Variants in NTNG2 observed in about 807,000 individuals in gnomAD.
NTNG2 encodes netrin G2, also known as netrin-G2.
A neutral mutation model predicts 47.6 loss-of-function variants in NTNG2; 15 were observed. That is an observed-to-expected ratio of 0.32 (90% CI 0.21 to 0.49). The LOEUF is 0.49. NTNG2 is among the 20% of genes least tolerant of loss of function. The pLI is 0.99. For missense variants in NTNG2, 578 were observed against 764.6 expected (o/e 0.76, Z 2.88); for synonymous variants, 307 against 324.6 (o/e 0.95, Z 0.58).
In NTNG2 at chr9:132,241,919, C is replaced by T. The variant is rs1163865048; in HGVS notation, c.1401C>T (p.Gly467=). The T allele has an allele frequency of 1.3e-6, 2 of 1,576,106 alleles. No homozygotes were observed. Among genetic ancestry groups the T allele is most frequent in the Non-Finnish European group, 1.7e-6 (2 of 1,167,990 alleles). ...DDDQLLCQNG[G]TCLQNQRCAC... ...ACCAGCTGCTGTGCCAGAACGGAGGCACCTGCCTGCAGAACCAGCGCTGCG... is the reference window on the plus strand; with the variant it reads ...ACCAGCTGCTGTGCCAGAACGGAGGTACCTGCCTGCAGAACCAGCGCTGCG... The change falls in exon 8 of 8, where the codon GGC becomes GGT. Residue 467 remains glycine, a synonymous_variant. Transcript: ENST00000393229.
rs762274772 is a variant in NTNG2 at position 132,236,984 on chromosome 9, AG to A, written c.1055-2118del. Among the ~76,000 whole-genome samples, 46 of 152,340 alleles carry A rather than the reference AG, an allele frequency of 3.0e-4. No homozygotes were observed. In the Middle Eastern group the frequency reaches 0.01, roughly 34 times the overall value. On this transcript the variant is annotated intron_variant, in intron 5 of 7. Transcript: ENST00000393229. The surrounding 1 kb of genome is among the most constrained non-coding windows in gnomAD (Gnocchi z 4.3). ...GTTTAGTCTCTGGGTTTGATGCTCC[AG>A]GAAGTTTGGAGAGGCGGTGGGGAGA...
At position 132,182,784 on chromosome 9, in the gene NTNG2, C is replaced by T. The variant is rs1837045762; in HGVS notation, c.214-15182C>T. 2.0e-5 allele frequency among the ~76,000 whole-genome samples: 3 copies of T among 152,200 alleles called. No individual in the cohort carries two copies. Among genetic ancestry groups the T allele is most frequent in the Admixed American group, 2.0e-4 (3 of 15,286 alleles). On this transcript the variant is annotated intron_variant, in intron 2 of 7. Coordinates refer to ENST00000393229, the MANE Select transcript of NTNG2 (RefSeq NM_032536.4). The surrounding 1 kb of genome is among the most constrained non-coding windows in gnomAD (Gnocchi z 4.2). ...AGCCCAGCGGGCAGCTATGACCCCA[C>T]CAGGAGCGGAGCGGGCAGGGACCAG...
intron 2 of NTNG2, among the ~76,000 whole-genome samples, chr9:132,196,159 G>A (rs1838297302): frequency 6.6e-6 from 1 of 151,898 alleles, no homozygotes; most frequent in African/African-American, 2.4e-5. Flanking sequence ...CAGGTCTATG[G>A]GTTTTTTTGT....
intron 2 of NTNG2, among the ~76,000 whole-genome samples, chr9:132,194,763 AC>A (rs1395507031): frequency 1.3e-5 from 2 of 152,206 alleles, no homozygotes; most frequent in African/African-American, 4.8e-5. Context: ...GATTTGTGGA[AC>A]CTGCCTCAAT....
At chr9:132,187,597 G>A (rs1296352221) in intron 2 of NTNG2, among the ~76,000 whole-genome samples, 1 of 147,700 alleles carries the variant, frequency 6.8e-6, no homozygotes, top group Non-Finnish European at 1.5e-5. Flanking sequence ...GAGAGAGAGA[G>A]GGACAGAAAA....
rs76228868 is a variant in NTNG2, at chr9:132,216,414, C to G, written c.858-10435C>G. Among the ~76,000 whole-genome samples, 822 of 110,316 alleles carry G rather than the reference C, an allele frequency of 7.5e-3. 13 individuals are homozygous for G. The highest frequency in any genetic ancestry group is 0.062 in the East Asian group (244 of 3,918). 72.4% of individuals were successfully genotyped at this position (110,316 alleles called of 152,430 possible). On this transcript the variant is annotated intron_variant, in intron 3 of 7. Transcript: ENST00000393229. ...TCTCTCTCTCTCTCTCTCTCTCTCTCTGTGTGTGTGTGTATGTGTGTGTGT... is the reference window on the plus strand; with the variant it reads ...TCTCTCTCTCTCTCTCTCTCTCTCTGTGTGTGTGTGTGTATGTGTGTGTGT...
At chr9:132,212,784 G>A (rs1159224081) in intron 3 of NTNG2, among the ~76,000 whole-genome samples, 2 of 152,194 alleles carry the variant, frequency 1.3e-5, no homozygotes. Flanking sequence ...CTTTCACCAT[G>A]ATCCTCAAAT....
chr9:132,232,641 A>G (rs79014929), intron 5 of NTNG2: 1 of 152,106 alleles, frequency 6.6e-6, no homozygotes, highest in East Asian at 1.9e-4. Flanking sequence ...ACGATGACCA[A>G]GGGGAATTCT....
chr9:132,179,406 C>G (rs910883261), intron 2 of NTNG2, among the ~76,000 whole-genome samples: 2 of 152,136 alleles, frequency 1.3e-5, no homozygotes, highest in African/African-American at 2.4e-5. Flanking sequence ...TCAAGAGCGT[C>G]CCCTAAGCCC....
At position 132,225,050 on chromosome 9, in the gene NTNG2, G is replaced by C. The variant is rs147418838; in HGVS notation, c.858-1799G>C. 3.8e-3 allele frequency among the ~76,000 whole-genome samples: 570 copies of C among 151,992 alleles called. 4 individuals are homozygous for C. Among genetic ancestry groups the C allele is most frequent in the African/African-American group, 0.013 (553 of 41,450 alleles). On this transcript the variant is annotated intron_variant, in intron 3 of 7. Coordinates refer to ENST00000393229, the MANE Select transcript of NTNG2 (RefSeq NM_032536.4). ...TTCTCCTGCCTCAGCCTCCCCAGTA[G>C]CTGGGATTACAGGTGCACCATCACA...
intron 6 of NTNG2, 35 bp downstream of exon 6, chr9:132,239,306 T>C (rs773134427): frequency 6.5e-5 from 105 of 1,610,696 alleles, no homozygotes; most frequent in Non-Finnish European, 8.8e-5. Context: ...GGGAACTTGC[T>C]GGAATGCGTG....
intron 3 of NTNG2, among the ~76,000 whole-genome samples, chr9:132,214,164 C>T (rs1403433718): frequency 6.6e-6 from 1 of 152,272 alleles, no homozygotes; most frequent in Non-Finnish European, 1.5e-5. Flanking sequence ...TGGATGACAT[C>T]ACTCTTTCCG....
At chr9:132,227,547 C>A (rs1330999038) in intron 4 of NTNG2, among the ~76,000 whole-genome samples, 3 of 152,176 alleles carry the variant, frequency 2.0e-5, no homozygotes, top group Non-Finnish European at 4.4e-5. Context: ...TGGAGCGAGC[C>A]ACCAAGGCCA....
At position 132,226,178 on chromosome 9, in the gene NTNG2, C is replaced by G. The variant is rs762098503; in HGVS notation, c.858-671C>G. Among the ~76,000 whole-genome samples, 1 of 152,164 alleles carries G rather than the reference C, an allele frequency of 6.6e-6. No homozygotes were observed. Among genetic ancestry groups the G allele is most frequent in the Non-Finnish European group, 1.5e-5 (1 of 68,030 alleles). ...TCCCCTCATCAACTTTCGGTTACCC[C>G]GAGGTACAGTTTATATAGGACAGGC... On this transcript the variant is annotated intron_variant, in intron 3 of 7. Transcript: ENST00000393229. The surrounding 1 kb of genome is among the most constrained non-coding windows in gnomAD (Gnocchi z 4.8).
At position 132,226,655 on chromosome 9, in the gene NTNG2, C is replaced by A. The variant is rs941156745; in HGVS notation, c.858-194C>A. ...GACTGCAGGTGTGGCCTTTGGAACACGGCGTTGATCTCTCTGCAGGAAGGG... is the reference window on the plus strand; with the variant it reads ...GACTGCAGGTGTGGCCTTTGGAACAAGGCGTTGATCTCTCTGCAGGAAGGG... On this transcript the variant is annotated intron_variant, in intron 3 of 7. Transcript: ENST00000393229. This position sits in a 1 kb window ranked among gnomAD's most constrained non-coding sequence, Gnocchi z 4.8. 6.6e-6 allele frequency among the ~76,000 whole-genome samples: 1 copy of A among 152,226 alleles called. No homozygotes were observed. The highest frequency in any genetic ancestry group is 2.4e-5 in the African/African-American group (1 of 41,460).
intron 3 of NTNG2, among the ~76,000 whole-genome samples, chr9:132,214,945 C>T (rs1398603028): frequency 2.0e-5 from 3 of 151,930 alleles, no homozygotes; most frequent in Non-Finnish European, 2.9e-5. Flanking sequence ...GGCACAATCA[C>T]GGCTCACTGC....
intron 3 of NTNG2, among the ~76,000 whole-genome samples, chr9:132,220,654 A>G (rs945234236): frequency 6.6e-6 from 1 of 152,024 alleles, no homozygotes; most frequent in African/African-American, 2.4e-5. Flanking sequence ...GGGTTTCACC[A>G]TGTTGACCAA....
At chr9:132,209,340 G>A (rs1192154153) in intron 3 of NTNG2, among the ~76,000 whole-genome samples, 3 of 152,218 alleles carry the variant, frequency 2.0e-5, no homozygotes, top group African/African-American at 4.8e-5. Flanking sequence ...GGAGGCATCC[G>A]GAGCATTTGG....
chr9:132,241,154 A>G, intron 7 of NTNG2, 110 bp downstream of exon 7: 1 of 1,215,040 alleles, frequency 8.2e-7, no homozygotes. Context: ...GACTGGGCCT[A>G]GCAAGACGGG....
Sources: gnomAD v4.1 joint callset for allele counts (sites outside exome capture counted in the v4.1 genomes callset) on GRCh38, gnomAD v4.1.1 for gene constraint, Gnocchi (gnomAD v3.1) non-coding constraint, MANE v1.5 for transcripts, NCBI Gene and HGNC (gene_info 2026-07-23, HGNC 2026-07-21) for gene names.